GPC6: variants seen among roughly 807,000 people sequenced by gnomAD.
The protein encoded by GPC6 is glypican 6.
A neutral mutation model predicts 55.2 loss-of-function variants in GPC6; 14 were observed. That is an observed-to-expected ratio of 0.25 (90% CI 0.17 to 0.40). GPC6 has a LOEUF of 0.40. GPC6 is among the 10% of genes least tolerant of loss of function. The pLI is 1.00. For synonymous variants in GPC6, 278 were observed against 259.6 expected (o/e 1.07, Z -0.68); for missense variants, 641 against 708.5 (o/e 0.90, Z 1.08).
At chr13:93,428,895 A>G (rs10508003) in intron 1 of GPC6, among the ~76,000 whole-genome samples, 36,678 of 152,036 alleles carry the variant, frequency 0.24, 4,387 homozygotes, top group Middle Eastern at 0.29. Flanking sequence ...TTTAATCTCA[A>G]GTCATTTTCA....
At chr13:93,585,105 C>A (rs951447638) in intron 2 of GPC6, among the ~76,000 whole-genome samples, 1 of 152,142 alleles carries the variant, frequency 6.6e-6, no homozygotes, top group African/African-American at 2.4e-5. Context: ...AATGCTGGTT[C>A]GTGCTGCTAG....
chr13:93,756,458 G>C (rs990048391), intron 2 of GPC6, among the ~76,000 whole-genome samples: 1 of 152,066 alleles, frequency 6.6e-6, no homozygotes, highest in African/African-American at 2.4e-5. Context: ...GCTTTCTTGT[G>C]GTGATTACAA....
chr13:94,386,368 AAAAAG>A (rs1048888735), intron 7 of GPC6, among the ~76,000 whole-genome samples: 11 of 151,770 alleles, frequency 7.2e-5, no homozygotes, highest in Non-Finnish European at 1.3e-4. Flanking sequence ...TCAAAAAAAA[AAAAAG>A]AAAAGAAAAG....
chr13:93,217,338 T>G, the GPC6 span, among the ~76,000 whole-genome samples: 11 of 152,266 alleles, frequency 7.2e-5, no homozygotes, highest in African/African-American at 2.4e-4. Flanking sequence ...ATCTTACTTC[T>G]CGTTAGTTAT....
At chr13:93,328,678 TAAAAA>T (rs66848105) in intron 1 of GPC6, among the ~76,000 whole-genome samples, 2 of 135,496 alleles carry the variant, frequency 1.5e-5, no homozygotes, top group Admixed American at 7.3e-5. Context: ...TTGTCTCAAT[TAAAAA>T]AAAAAAAAAG....
At chr13:93,228,617 A>G (rs912042552) in intron 1 of GPC6, among the ~76,000 whole-genome samples, 1 of 152,140 alleles carries the variant, frequency 6.6e-6, no homozygotes, top group Non-Finnish European at 1.5e-5. Context: ...TGTGAATGAA[A>G]CGTGTCGGGG....
At chr13:94,025,342 A>C (rs189826619) in intron 3 of GPC6, 1 of 152,330 alleles carries the variant, frequency 6.6e-6, no homozygotes, top group African/African-American at 2.4e-5. Context: ...CATGCCAATA[A>C]GGAAAATGTG....
intron 4 of GPC6, among the ~76,000 whole-genome samples, chr13:94,266,632 C>T (rs1286451405): frequency 6.6e-6 from 1 of 150,482 alleles, no homozygotes; most frequent in Non-Finnish European, 1.5e-5. Context: ...GCTCCCCTTT[C>T]CCTGCCCGGA....
intron 4 of GPC6, among the ~76,000 whole-genome samples, chr13:94,095,451 A>C (rs1231118159): frequency 6.6e-6 from 1 of 152,230 alleles, no homozygotes; most frequent in East Asian, 1.9e-4. Context: ...TGTTTTATTC[A>C]ACTCAACGTA....
intron 3 of GPC6, among the ~76,000 whole-genome samples, chr13:93,895,343 A>T (rs1451773661): frequency 6.7e-6 from 1 of 149,158 alleles, no homozygotes; most frequent in Non-Finnish European, 1.5e-5. Context: ...CTGGGCAATC[A>T]TCTGTCAGGA....
chr13:93,588,329 A>C (rs1375504256), intron 2 of GPC6, among the ~76,000 whole-genome samples: 1 of 152,190 alleles, frequency 6.6e-6, no homozygotes, highest in Non-Finnish European at 1.5e-5. Flanking sequence ...AAACAAAATA[A>C]AAATGTAAGG....
At chr13:93,440,296 G>A (rs565189367) in intron 1 of GPC6, among the ~76,000 whole-genome samples, 2 of 152,314 alleles carry the variant, frequency 1.3e-5, no homozygotes, top group South Asian at 4.1e-4. Flanking sequence ...CGAGAGTTTT[G>A]TTACCTCCTG....
rs563267716 is a variant in GPC6 at position 93,829,715 on chromosome 13, A to G, written c.320-439A>G. On this transcript the variant is annotated intron_variant, in intron 2 of 8. Transcript: ENST00000377047. ...ACATCTCATTTATGGACTATTTCAA[A>G]TAAAAGCAATTTAATGGAATTTAGT... Among the ~76,000 whole-genome samples the G allele has an allele frequency of 3.3e-5, 5 of 152,332 alleles. No individual in the cohort carries two copies. The East Asian group carries it at 9.6e-4, about 29-fold the overall frequency.
intron 1 of GPC6, among the ~76,000 whole-genome samples, chr13:93,486,013 G>A (rs1002717023): frequency 1.3e-5 from 2 of 152,190 alleles, no homozygotes; most frequent in Non-Finnish European, 2.9e-5. Context: ...TTTAGGGTAG[G>A]TGGAGGAAGA....
At chr13:94,213,551 C>A (rs1185778373) in intron 4 of GPC6, among the ~76,000 whole-genome samples, 1 of 152,152 alleles carries the variant, frequency 6.6e-6, no homozygotes, top group Non-Finnish European at 1.5e-5. Context: ...CTCCCTCATG[C>A]CCCTGTGGGT....
intron 4 of GPC6, among the ~76,000 whole-genome samples, chr13:94,206,737 C>T (rs998574298): frequency 3.3e-5 from 5 of 152,008 alleles, no homozygotes; most frequent in Non-Finnish European, 1.5e-5. Flanking sequence ...ACCTGTAGTC[C>T]AGCTACTCAG....
intron 1 of GPC6, among the ~76,000 whole-genome samples, chr13:93,326,793 A>C (rs1879673506): frequency 6.6e-6 from 1 of 152,222 alleles, no homozygotes; most frequent in Admixed American, 6.5e-5. Flanking sequence ...GTGGTAAAAA[A>C]GAGAAAACAA....
chr13:93,725,097 G>A (rs879642302), intron 2 of GPC6, among the ~76,000 whole-genome samples: 1 of 151,968 alleles, frequency 6.6e-6, no homozygotes, highest in Non-Finnish European at 1.5e-5. Context: ...AAGAAGCTAG[G>A]TTTAGTCATT....
At chr13:93,459,549 C>T (rs1311546784) in intron 1 of GPC6, among the ~76,000 whole-genome samples, 1 of 152,112 alleles carries the variant, frequency 6.6e-6, no homozygotes, top group East Asian at 1.9e-4. Context: ...ATTTGCAGTA[C>T]AACCCAAGGA....
Sources: allele counts gnomAD v4.1 joint callset (sites outside exome capture counted in the v4.1 genomes callset), GRCh38; gene constraint gnomAD v4.1.1; transcripts MANE v1.5; gene names NCBI Gene and HGNC (gene_info 2026-07-23, HGNC 2026-07-21).